Variants in MYO3B observed in about 807,000 individuals in gnomAD.
MYO3B encodes myosin-IIIb.
Under a neutral mutation model 174.6 loss-of-function variants are expected in MYO3B, and 156 were observed. That is an observed-to-expected ratio of 0.89 (90% CI 0.78 to 1.02). The LOEUF is 1.02. Among genes scored for constraint, MYO3B ranks in the 50% least tolerant of loss-of-function variants. MYO3B has a pLI of 0.00. For missense variants in MYO3B, 1,632 were observed against 1,639.4 expected (o/e 1.00, Z 0.08); for synonymous variants, 563 against 569.1 (o/e 0.99, Z 0.15).
chr2:170,534,316 CA>C (rs1204522650), intron 30 of MYO3B, among the ~76,000 whole-genome samples: 1 of 152,032 alleles, frequency 6.6e-6, no homozygotes, highest in Non-Finnish European at 1.5e-5. Context: ...ACTGGGAAGC[CA>C]AAAAATGTGT....
intron 30 of MYO3B, among the ~76,000 whole-genome samples, chr2:170,535,300 G>T (rs1245827306): frequency 6.6e-6 from 1 of 152,190 alleles, no homozygotes; most frequent in Non-Finnish European, 1.5e-5. Context: ...CATACACATT[G>T]TTCTTATACA....
chr2:170,359,162 A>G (rs1328226336), intron 8 of MYO3B, among the ~76,000 whole-genome samples: 1 of 152,196 alleles, frequency 6.6e-6, no homozygotes, highest in Non-Finnish European at 1.5e-5. Context: ...AAAGGCCTTT[A>G]GGGTCCTTTG....
At chr2:170,605,237 C>A (rs1273964599) in intron 32 of MYO3B, among the ~76,000 whole-genome samples, 2 of 152,206 alleles carry the variant, frequency 1.3e-5, no homozygotes, top group Non-Finnish European at 2.9e-5. Context: ...ACCCTTCTGG[C>A]TTTCCCCCAG....
At chr2:170,244,205 C>A (rs1300482593) in intron 7 of MYO3B, among the ~76,000 whole-genome samples, 1 of 152,104 alleles carries the variant, frequency 6.6e-6, no homozygotes, top group South Asian at 2.1e-4. Context: ...CTTTTAGCCC[C>A]CTTAGTAGGT....
intron 31 of MYO3B, 24 bp downstream of exon 31, chr2:170,542,990 A>G: frequency 6.3e-7 from 1 of 1,594,600 alleles, no homozygotes; most frequent in African/African-American, 1.3e-5. Context: ...TTGATTCCAA[A>G]GTAAATGTGT....
chr2:170,268,845 G>A (rs560678145), intron 7 of MYO3B, among the ~76,000 whole-genome samples: 2 of 152,012 alleles, frequency 1.3e-5, no homozygotes, highest in Non-Finnish European at 2.9e-5. Flanking sequence ...ACAAAGGATA[G>A]AAATTAGCAT....
intron 7 of MYO3B, among the ~76,000 whole-genome samples, chr2:170,304,630 C>A (rs2093688456): frequency 6.6e-6 from 1 of 151,684 alleles, no homozygotes; most frequent in Admixed American, 6.6e-5. Flanking sequence ...CCACACTCAG[C>A]TAACTTTTGT....
chr2:170,245,033 A>G (rs958225209), intron 7 of MYO3B, among the ~76,000 whole-genome samples: 2 of 152,156 alleles, frequency 1.3e-5, no homozygotes, highest in African/African-American at 4.8e-5. Context: ...CTGGGGGATA[A>G]TCGTGTTGGT....
intron 32 of MYO3B, among the ~76,000 whole-genome samples, chr2:170,569,705 T>TA (rs944037430): frequency 1.7e-4 from 26 of 150,784 alleles, no homozygotes; most frequent in Non-Finnish European, 2.7e-4. Flanking sequence ...CTACTAAAAA[T>TA]AAAAAAATTA....
rs34882424 is a variant in MYO3B at position 170,422,977 on chromosome 2, C to CTTTTTTTTT, written c.2650+15146_2650+15154dup. Among the ~76,000 whole-genome samples, 423 of 88,490 alleles carry CTTTTTTTTT rather than the reference C, an allele frequency of 4.8e-3. 10 individuals are homozygous for CTTTTTTTTT. Among genetic ancestry groups the CTTTTTTTTT allele is most frequent in the Non-Finnish European group, 5.2e-3 (259 of 49,360 alleles). The allele number at this position is 88,490 out of a possible 152,430, so 58.1% of individuals were successfully genotyped here. A position where few individuals can be genotyped will look rare whatever the true frequency, so the allele number is the denominator to read the frequency against. On this transcript the variant is annotated intron_variant, in intron 22 of 34. Coordinates refer to ENST00000408978, the MANE Select transcript of MYO3B (RefSeq NM_138995.5). ...TTAGACCAACCATATTTCTTTCTTT[C>CTTTTTTTTT]TTTTTTTTTTTTTTTTTTTTTGAGA...
chr2:170,491,793 T>G (rs1003020533), intron 25 of MYO3B, among the ~76,000 whole-genome samples: 5 of 152,176 alleles, frequency 3.3e-5, no homozygotes, highest in African/African-American at 1.2e-4. Flanking sequence ...AAATGTGTCA[T>G]GTACACATGT....
chr2:170,502,657 G>A (rs1037099743), intron 28 of MYO3B, among the ~76,000 whole-genome samples: 1 of 152,124 alleles, frequency 6.6e-6, no homozygotes, highest in Non-Finnish European at 1.5e-5. Context: ...ATTCCTACTC[G>A]AGGCTCTGGA....
intron 7 of MYO3B, among the ~76,000 whole-genome samples, chr2:170,260,407 C>T (rs1293709100): frequency 6.6e-6 from 1 of 152,206 alleles, no homozygotes; most frequent in Non-Finnish European, 1.5e-5. Flanking sequence ...TTTGCAGCAG[C>T]ATGGATGCAG....
At chr2:170,253,741 C>T (rs2093277763) in intron 7 of MYO3B, among the ~76,000 whole-genome samples, 1 of 151,852 alleles carries the variant, frequency 6.6e-6, no homozygotes, top group African/African-American at 2.4e-5. Flanking sequence ...GGGTAGTATT[C>T]CAGAGGCCAA....
intron 25 of MYO3B, among the ~76,000 whole-genome samples, chr2:170,494,609 T>C (rs188384926): frequency 2.0e-5 from 3 of 150,758 alleles, no homozygotes; most frequent in Non-Finnish European, 4.4e-5. Context: ...ATGCCTGTAA[T>C]CCCAGCTACT....
intron 32 of MYO3B, among the ~76,000 whole-genome samples, chr2:170,628,544 ACC>A (rs1436680825): frequency 7.9e-5 from 12 of 151,968 alleles, no homozygotes; most frequent in Admixed American, 6.6e-4. Context: ...AGTGCGCTGC[ACC>A]CACCGTCCGA....
chr2:170,276,404 G>T (rs1475907792), intron 7 of MYO3B, among the ~76,000 whole-genome samples: 1 of 152,066 alleles, frequency 6.6e-6, no homozygotes, highest in Non-Finnish European at 1.5e-5. Context: ...ATATGCTTAT[G>T]GTTATCCAAG....
intron 7 of MYO3B, among the ~76,000 whole-genome samples, chr2:170,287,296 A>G (rs189709861): frequency 7.0e-4 from 106 of 151,698 alleles, no homozygotes; most frequent in African/African-American, 2.5e-3. Context: ...TTTTTGAGGA[A>G]CCTCCATACT....
intron 32 of MYO3B, among the ~76,000 whole-genome samples, chr2:170,550,557 G>A: frequency 6.6e-6 from 1 of 152,180 alleles, no homozygotes; most frequent in East Asian, 1.9e-4. Context: ...GAGAAAGTGG[G>A]CTTTATATAT....
Sources: allele counts gnomAD v4.1 joint callset (sites outside exome capture counted in the v4.1 genomes callset), GRCh38; gene constraint gnomAD v4.1.1; transcripts MANE v1.5; gene names NCBI Gene and HGNC (gene_info 2026-07-23, HGNC 2026-07-21).